NTRK1: variants seen among roughly 807,000 people sequenced by gnomAD.
The protein encoded by NTRK1 is neurotrophic receptor tyrosine kinase 1, also known as high affinity nerve growth factor receptor.
In NTRK1, 62 loss-of-function variants were observed where a neutral mutation model predicts 86.8. That is an observed-to-expected ratio of 0.71 (90% confidence interval 0.58 to 0.88). The LOEUF is 0.88. NTRK1 is among the 40% of genes least tolerant of loss of function. NTRK1 has a pLI of 0.00. For missense variants in NTRK1, 967 were observed against 1,078.4 expected, an observed-to-expected ratio of 0.90 and a Z score of 1.45; for synonymous variants, 469 against 456.6, an observed-to-expected ratio of 1.03 and a Z score of -0.35.
chr1:156,844,479 A>T, intron 2 of NTRK1: 1 of 1,613,908 alleles, frequency 6.2e-7, no homozygotes, highest in African/African-American at 1.3e-5. Flanking sequence ...AAGGATGTAG[A>T]AGGCAACACT....
chr1:156,841,539 G>T (rs1161610527), intron 1 of NTRK1: 1 of 1,614,020 alleles, frequency 6.2e-7, no homozygotes, highest in Non-Finnish European at 8.5e-7. Flanking sequence ...CTGGGGGCAT[G>T]CAGGAGCTCC....
chr1:156,824,198 G>A lies in NTRK1; in HGVS notation c.-64+8360G>A, dbSNP rs114823857. Among the ~76,000 whole-genome samples, 1,487 of 152,080 alleles carry A rather than the reference G, an allele frequency of 9.8e-3. 35 individuals are homozygous for A. Among genetic ancestry groups the A allele is most frequent in the African/African-American group, 0.034 (1,391 of 41,428 alleles). On this transcript the variant is annotated intron_variant, in intron 1 of 16. Coordinates refer to the NTRK1 transcript ENST00000392302. ...GTGTATATTCTTACCCTGGACTATC[G>A]CTCCCCATGTGCAAAGTGGGGAGTG...
intron 2 of NTRK1, chr1:156,852,227 C>A: frequency 6.5e-7 from 1 of 1,540,114 alleles, no homozygotes; most frequent in Non-Finnish European, 8.8e-7. Context: ...GTTGGCCATG[C>A]CCCCTCAGTC....
At position 156,845,240 on chromosome 1, in the gene NTRK1, G is replaced by A; in HGVS notation, c.50+3047G>A. On this transcript the variant is annotated intron_variant, in intron 2 of 16. Transcript: ENST00000392302. ...CTTGTCCTCCTGGATCTCGAAATCCGAGCTGTTGCCCCCCAGCCGGAGGGG... is the reference window on the plus strand; with the variant it reads ...CTTGTCCTCCTGGATCTCGAAATCCAAGCTGTTGCCCCCCAGCCGGAGGGG... 2.5e-6 allele frequency: 4 copies of A among 1,610,698 alleles called. No homozygotes were observed. The South Asian group carries it at 3.3e-5, about 13-fold the overall frequency.
chr1:156,863,064 T>C (rs933551614), intron 1 of NTRK1, among the ~76,000 whole-genome samples: 6 of 143,680 alleles, frequency 4.2e-5, no homozygotes, highest in African/African-American at 1.3e-4. Flanking sequence ...GCCCCTGGCA[T>C]GTGTATTGTT....
In NTRK1 at chr1:156,875,675, C is replaced by T; in HGVS notation, c.1501+9C>T. ...ATACTTCAGTGATGCCTGTGAGGGG[C>T]TATGCTGGGTCAAGGGCAGGGACGA... On this transcript the variant is annotated intron_variant, in intron 12 of 16. Coordinates refer to ENST00000524377, the MANE Select transcript of NTRK1 (RefSeq NM_002529.4). 2 of 1,608,308 alleles carry T rather than the reference C, an allele frequency of 1.2e-6. No homozygotes were observed. Among genetic ancestry groups the T allele is most frequent in the South Asian group, 1.1e-5 (1 of 90,810 alleles).
chr1:156,837,243 T>G (rs1654618718), intron 1 of NTRK1: 1 of 152,362 alleles, frequency 6.6e-6, no homozygotes, highest in Non-Finnish European at 1.5e-5. Flanking sequence ...CTGCACTATA[T>G]GCCCAGGGCT....
At chr1:156,837,530 A>G (rs1250461957) in intron 1 of NTRK1, among the ~76,000 whole-genome samples, 4 of 152,206 alleles carry the variant, frequency 2.6e-5, no homozygotes, top group African/African-American at 9.7e-5. Context: ...TCCTGTGCAA[A>G]GAAAGGGGGT....
intron 2 of NTRK1, among the ~76,000 whole-genome samples, chr1:156,852,886 T>C (rs1655274927): frequency 6.6e-6 from 1 of 152,136 alleles, no homozygotes; most frequent in African/African-American, 2.4e-5. Context: ...AGGGATCTTG[T>C]TACTCTCCCG....
chr1:156,849,487 T>TGG, intron 2 of NTRK1: 1 of 379,342 alleles, frequency 2.6e-6, no homozygotes, highest in Non-Finnish European at 4.7e-6. Flanking sequence ...GACCTTGCTC[T>TGG]GCGGGGAGGT....
intron 1 of NTRK1, among the ~76,000 whole-genome samples, chr1:156,830,917 C>T (rs1654453514): frequency 6.6e-6 from 1 of 152,216 alleles, no homozygotes; most frequent in Non-Finnish European, 1.5e-5. Context: ...TATTTTCTTA[C>T]CTTCTTTTCT....
In NTRK1 at chr1:156,876,582, C is replaced by T; in HGVS notation, c.1805+10C>T. On this transcript the variant is annotated intron_variant, in intron 14 of 16. Coordinates refer to ENST00000524377, the MANE Select transcript of NTRK1 (RefSeq NM_002529.4). ...TCAACCGCTTCCTCCGGTACCAGCA[C>T]CTGGCCTCAGCGCTGGCCCCGGCCC... The T allele has an allele frequency of 1.9e-6, 3 of 1,609,364 alleles. No individual in the cohort carries two copies. The highest frequency in any genetic ancestry group is 1.7e-4 in the Middle Eastern group (1 of 5,752).
intron 1 of NTRK1, among the ~76,000 whole-genome samples, chr1:156,834,910 C>T (rs1345974129): frequency 1.3e-5 from 2 of 151,852 alleles, no homozygotes; most frequent in African/African-American, 4.8e-5. Context: ...ATGGTCCACA[C>T]TTCGACTGGG....
chr1:156,873,136 T>C (rs972160961), intron 7 of NTRK1, among the ~76,000 whole-genome samples: 2 of 151,320 alleles, frequency 1.3e-5, no homozygotes, highest in Non-Finnish European at 2.9e-5. Flanking sequence ...AGCCTTGAAC[T>C]CCTGGCCTCA....
chr1:156,875,398 C>A (rs1647839012), intron 11 of NTRK1, 122 bp from the exon 12 acceptor site: 1 of 1,348,908 alleles, frequency 7.4e-7, no homozygotes. Context: ...TGTCTCGCTC[C>A]CTAGCTTCTC....
chr1:156,874,105 G>A (rs1647745598), intron 8 of NTRK1, 146 bp downstream of exon 8: 1 of 938,340 alleles, frequency 1.1e-6, no homozygotes, highest in East Asian at 2.6e-5. Context: ...CGCTGTTCTG[G>A]CCTCCTTACC....
chr1:156,844,564 C>T, intron 2 of NTRK1: 1 of 1,614,158 alleles, frequency 6.2e-7, no homozygotes, highest in Non-Finnish European at 8.5e-7. Context: ...GGCAGCAGGG[C>T]CAGGTGGACT....
At chr1:156,859,044 GGA>G (rs1655513092), upstream of NTRK1, 1 of 181,576 alleles carries the variant, frequency 5.5e-6, no homozygotes, top group African/African-American at 2.3e-5. The surrounding 1 kb of genome is among the most constrained non-coding windows in gnomAD (Gnocchi z 6.2). Flanking sequence ...GACTCCGCAG[GGA>G]GAGTCTCCCT....
chr1:156,842,095 C>T lies in NTRK1; in HGVS notation c.-49C>T, dbSNP rs139555558. 2.2e-5 allele frequency: 36 copies of T among 1,613,782 alleles called. 1 individual carries two copies. The highest frequency in any genetic ancestry group is 3.3e-5 in the Admixed American group (2 of 59,972). On this transcript the variant is annotated 5_prime_UTR_variant, in exon 2 of 17. Coordinates refer to the NTRK1 transcript ENST00000392302. ...CTACTTTTCAGGCCGCCCTCATCTG[C>T]CTGGCACCCTCTGTACCCCCGATCT...
Sources: gnomAD v4.1 joint callset for allele counts (sites outside exome capture counted in the v4.1 genomes callset) on GRCh38, gnomAD v4.1.1 for gene constraint, Gnocchi (gnomAD v3.1) non-coding constraint, MANE v1.5 for transcripts, NCBI Gene and HGNC (gene_info 2026-07-23, HGNC 2026-07-21) for gene names.